The following VAT1L variants were observed in gnomAD, a reference collection of about 807,000 sequenced individuals.
The protein encoded by VAT1L is vesicle amine transport 1 like, also known as putative NADPH-dependent quinone oxidoreductase VAT1L.
A neutral mutation model predicts 44.1 loss-of-function variants in VAT1L; 34 were observed. The ratio of observed to expected loss-of-function variants is 0.77; its 90% CI spans 0.59 to 1.03. VAT1L has a LOEUF of 1.03. VAT1L is among the 50% of genes least tolerant of loss of function. VAT1L has a pLI of 0.00. For synonymous variants in VAT1L, 253 were observed against 202.2 expected, an observed-to-expected ratio of 1.25 and a Z score of -2.13; for missense variants, 615 against 538.8, an observed-to-expected ratio of 1.14 and a Z score of -1.40.
At chr16:77,967,027 G>A (rs767668007) in intron 7 of VAT1L, among the ~76,000 whole-genome samples, 5 of 150,002 alleles carry the variant, frequency 3.3e-5, no homozygotes, top group African/African-American at 7.4e-5. Context: ...GGAGCCCATC[G>A]AGCCCATCAC....
At chr16:77,840,987 G>T (rs1221115034) in intron 3 of VAT1L, among the ~76,000 whole-genome samples, 1 of 152,030 alleles carries the variant, frequency 6.6e-6, no homozygotes, top group African/African-American at 2.4e-5. Context: ...TCATCTTAAG[G>T]GTTATGGTAA....
rs77006646 is a variant in VAT1L, at chr16:77,958,497, C to T, written c.1078-13353C>T. On this transcript the variant is annotated intron_variant, in intron 7 of 8. Transcript: ENST00000302536. Reference sequence around the variant, plus strand: ...GTAGGAATCAGCATCCCCTGAGTGTCCACTTCAGTTCTATTCAACCACCCA... The same window carrying T: ...GTAGGAATCAGCATCCCCTGAGTGTTCACTTCAGTTCTATTCAACCACCCA... 1.4e-3 allele frequency among the ~76,000 whole-genome samples: 208 copies of T among 152,300 alleles called. 1 individual carries two copies. Among genetic ancestry groups the T allele is most frequent in the African/African-American group, 4.7e-3 (195 of 41,560 alleles).
In VAT1L at chr16:77,969,316, G is replaced by T. The variant is rs147803456; in HGVS notation, c.1078-2534G>T. ...AGCAAGTCCCAGCCTCATTTTCCTA[G>T]CCCTCACTCAGGACAGAGTTGCTCT... is the stretch of plus-strand genomic sequence containing the variant. On this transcript the variant is annotated intron_variant, in intron 7 of 8. Transcript: ENST00000302536. Among the ~76,000 whole-genome samples the T allele has an allele frequency of 8.3e-4, 126 of 152,070 alleles. 1 individual carries two copies. The highest frequency in any genetic ancestry group is 2.9e-3 in the African/African-American group (121 of 41,492).
At chr16:77,867,732 A>T (rs1356279377) in intron 4 of VAT1L, among the ~76,000 whole-genome samples, 3 of 152,034 alleles carry the variant, frequency 2.0e-5, no homozygotes, top group Non-Finnish European at 4.4e-5. Flanking sequence ...GGTGGTGCAC[A>T]CCTGTAATCC....
chr16:77,801,586 G>C (rs1189621463), intron 1 of VAT1L: 4 of 152,022 alleles, frequency 2.6e-5, no homozygotes, highest in African/African-American at 7.3e-5. Flanking sequence ...CAGATAGTCT[G>C]AGCCATATGA....
intron 7 of VAT1L, among the ~76,000 whole-genome samples, chr16:77,933,287 T>C (rs776936344): frequency 1.3e-5 from 2 of 152,196 alleles, no homozygotes; most frequent in East Asian, 3.9e-4. Context: ...CAAGGTTCTT[T>C]TAGCTAATAA....
intron 3 of VAT1L, among the ~76,000 whole-genome samples, chr16:77,843,956 G>A (rs1211838430): frequency 2.0e-5 from 3 of 152,178 alleles, no homozygotes; most frequent in African/African-American, 4.8e-5. Context: ...GGGTCACCCA[G>A]CAGATCTTTA....
chr16:77,924,400 C>T (rs1369130588), intron 7 of VAT1L, among the ~76,000 whole-genome samples: 1 of 152,030 alleles, frequency 6.6e-6, no homozygotes. Context: ...ATGAGCACAT[C>T]AAAATGCACA....
At chr16:77,863,725 G>A (rs560451956) in intron 4 of VAT1L, among the ~76,000 whole-genome samples, 5 of 152,156 alleles carry the variant, frequency 3.3e-5, no homozygotes, top group Admixed American at 6.5e-5. Flanking sequence ...GGGATGTCTT[G>A]TTATCTCATC....
chr16:77,968,011 G>C (rs1421205007), intron 7 of VAT1L, among the ~76,000 whole-genome samples: 2 of 152,152 alleles, frequency 1.3e-5, no homozygotes, highest in Admixed American at 1.3e-4. Context: ...CTATTTTTGA[G>C]CATCAGGGTA....
intron 6 of VAT1L, among the ~76,000 whole-genome samples, chr16:77,883,813 A>G (rs1287858774): frequency 6.6e-6 from 1 of 152,022 alleles, no homozygotes; most frequent in Non-Finnish European, 1.5e-5. Flanking sequence ...CCCCAGATTT[A>G]GCCTTATCAA....
chr16:77,942,227 G>A lies in VAT1L; in HGVS notation c.1078-29623G>A, dbSNP rs570193680. 1.6e-4 allele frequency among the ~76,000 whole-genome samples: 24 copies of A among 152,294 alleles called. No individual in the cohort carries two copies. The South Asian group carries it at 5.0e-3, about 32-fold the overall frequency. ...GCATGTCTTACATGGTGGCAGGCAA[G>A]AGATAACTTGTGCAGGGAAACTCCC... is the stretch of plus-strand genomic sequence containing the variant. On this transcript the variant is annotated intron_variant, in intron 7 of 8. Transcript: ENST00000302536.
intron 7 of VAT1L, among the ~76,000 whole-genome samples, chr16:77,914,272 AC>A (rs1301264136): frequency 1.3e-5 from 2 of 152,370 alleles, no homozygotes; most frequent in Admixed American, 6.5e-5. Flanking sequence ...TTTATAACTT[AC>A]AACTTTTTAG....
At chr16:77,892,292 C>A (rs397404) in intron 7 of VAT1L, 235,157 of 258,898 alleles carry the variant, frequency 0.91, 107,650 homozygotes, top group Non-Finnish European at 0.96. Context: ...AGTCCAACTT[C>A]ACTATGGCAG....
At chr16:77,817,224 A>AGGTCTCAT (rs1567475514) in intron 2 of VAT1L, among the ~76,000 whole-genome samples, 174 bp downstream of exon 2, 5 of 152,172 alleles carry the variant, frequency 3.3e-5, no homozygotes, top group Non-Finnish European at 4.4e-5. Flanking sequence ...CCTTTTTTAT[A>AGGTCTCAT]GACTATCTTG....
chr16:77,941,705 C>T (rs1461413420), intron 7 of VAT1L, among the ~76,000 whole-genome samples: 1 of 152,134 alleles, frequency 6.6e-6, no homozygotes, highest in East Asian at 1.9e-4. Context: ...CCTGCCTCAG[C>T]CTCATGAGTA....
At chr16:77,865,754 A>G (rs2016967177) in intron 4 of VAT1L, among the ~76,000 whole-genome samples, 2 of 152,170 alleles carry the variant, frequency 1.3e-5, no homozygotes, top group African/African-American at 4.8e-5. Flanking sequence ...ACATCAGGAA[A>G]AGCTTGCTGA....
chr16:77,875,560 G>T (rs1453133489), intron 4 of VAT1L, among the ~76,000 whole-genome samples: 1 of 152,158 alleles, frequency 6.6e-6, no homozygotes, highest in African/African-American at 2.4e-5. Context: ...TATGTTCTAA[G>T]AGTGGGAGCC....
intron 7 of VAT1L, among the ~76,000 whole-genome samples, chr16:77,964,980 G>A (rs1234535091): frequency 1.3e-5 from 2 of 151,866 alleles, no homozygotes; most frequent in Non-Finnish European, 2.9e-5. Context: ...AGTAGAGACA[G>A]GGTTTCTCCA....
Sources: gnomAD v4.1 joint callset for allele counts (sites outside exome capture counted in the v4.1 genomes callset) on GRCh38, gnomAD v4.1.1 for gene constraint, MANE v1.5 for transcripts, NCBI Gene and HGNC (gene_info 2026-07-23, HGNC 2026-07-21) for gene names.